Variants in RAB3GAP2 observed in about 807,000 individuals in gnomAD.
RAB3GAP2 encodes rab3 GTPase-activating protein non-catalytic subunit.
Under a neutral mutation model 185.3 loss-of-function variants are expected in RAB3GAP2, and 87 were observed. The observed-to-expected ratio is 0.47, with a 90% CI of 0.39 to 0.56. The LOEUF (loss-of-function observed/expected upper bound fraction) is 0.56, where lower values mean the gene tolerates loss of function less well. Among genes scored for constraint, RAB3GAP2 ranks in the 20% least tolerant of loss-of-function variants. RAB3GAP2 has a pLI of 0.00. For missense variants in RAB3GAP2, 1,492 were observed against 1,638.2 expected (o/e 0.91, Z 1.54); for synonymous variants, 554 against 576.1 (o/e 0.96, Z 0.55).
intron 9 of RAB3GAP2, among the ~76,000 whole-genome samples, chr1:220,201,873 T>A (rs948209870): frequency 1.6e-4 from 24 of 152,124 alleles, no homozygotes; most frequent in Non-Finnish European, 2.9e-5. Context: ...ATGCATTTTT[T>A]CACATAAGAA....
At chr1:220,174,287 T>TTAA (rs1296906570) in intron 21 of RAB3GAP2, among the ~76,000 whole-genome samples, 1 of 152,026 alleles carries the variant, frequency 6.6e-6, no homozygotes, top group Non-Finnish European at 1.5e-5. Context: ...CGCACACTCT[T>TTAA]TAATGCCTTC....
chr1:220,239,226 T>G (rs1659647626), intron 1 of RAB3GAP2, among the ~76,000 whole-genome samples: 1 of 151,902 alleles, frequency 6.6e-6, no homozygotes, highest in Non-Finnish European at 1.5e-5. Context: ...TCAAACAACT[T>G]TTTTTTTGTG....
At chr1:220,178,334 G>C (rs1415009850) in intron 21 of RAB3GAP2, among the ~76,000 whole-genome samples, 1 of 152,122 alleles carries the variant, frequency 6.6e-6, no homozygotes, top group Non-Finnish European at 1.5e-5. Context: ...CAAACTGAAA[G>C]AAAATGATGC....
intron 9 of RAB3GAP2, among the ~76,000 whole-genome samples, chr1:220,197,073 G>C (rs1046581116): frequency 4.0e-5 from 6 of 151,154 alleles, no homozygotes; most frequent in Non-Finnish European, 8.8e-5. Context: ...TGCAACCTCT[G>C]CCTCCCAGGT....
At chr1:220,175,677 C>T (rs1658275619) in intron 21 of RAB3GAP2, among the ~76,000 whole-genome samples, 1 of 152,200 alleles carries the variant, frequency 6.6e-6, no homozygotes. Context: ...TGCCTTGGAC[C>T]TCTCTTCACA....
At position 220,198,025 on chromosome 1, in the gene RAB3GAP2, T is replaced by A. The variant is rs541579878; in HGVS notation, c.812-1627A>T. On this transcript the variant is annotated intron_variant, in intron 9 of 34. Transcript: ENST00000358951. ...CCTGCAGTAATTTCACAATTTCGAG[T>A]TTAAACTAATTAATCCTACTATTTT... Among the ~76,000 whole-genome samples the A allele has an allele frequency of 2.6e-5, 4 of 152,164 alleles. No individual in the cohort carries two copies. The South Asian group carries it at 8.3e-4, about 32-fold the overall frequency.
chr1:220,181,007 C>T (rs964134509), intron 21 of RAB3GAP2, among the ~76,000 whole-genome samples: 38 of 152,078 alleles, frequency 2.5e-4, no homozygotes, highest in Admixed American at 2.5e-3. Context: ...GTCATTATTC[C>T]CTCAACGGTA....
At chr1:220,186,233 C>T (rs1381286066) in intron 17 of RAB3GAP2, among the ~76,000 whole-genome samples, 1 of 152,150 alleles carries the variant, frequency 6.6e-6, no homozygotes, top group Non-Finnish European at 1.5e-5. Context: ...TCCCTCTCCC[C>T]ACCCCCATAG....
At position 220,171,048 on chromosome 1, in the gene RAB3GAP2, C is replaced by T; in HGVS notation, c.2650G>A (p.Glu884Lys). 6.2e-7 allele frequency: 1 copy of T among 1,614,142 alleles called. No homozygotes were observed. Among genetic ancestry groups the T allele is most frequent in the Non-Finnish European group, 8.5e-7 (1 of 1,180,016 alleles). Reference protein sequence around the residue: ...DSWEALSLDTEYWKLLLKQLE... With the variant: ...DSWEALSLDTKYWKLLLKQLE... ...TGTTTCAGAAGGAGTTTCCAGTACT[C>T]AGTGTCAAGAGAAAGTGCCTCCCAG... Residue 884 changes from glutamate (E) to lysine (K), a missense_variant, in exon 24 of 35, where the codon GAG becomes AAG. By Grantham distance (56) the Glu-to-Lys change is moderately conservative (BLOSUM62 1). Transcript: ENST00000358951.
intron 1 of RAB3GAP2, among the ~76,000 whole-genome samples, chr1:220,250,022 C>T (rs900081308): frequency 6.6e-6 from 1 of 152,212 alleles, no homozygotes; most frequent in Non-Finnish European, 1.5e-5. Context: ...TACAAGCCCC[C>T]ACACAGAGTC....
At position 220,171,110 on chromosome 1, in the gene RAB3GAP2, G is replaced by A; in HGVS notation, c.2588C>T (p.Thr863Ile). 1 of 1,613,918 alleles carries A rather than the reference G, an allele frequency of 6.2e-7. No homozygotes were observed. Among genetic ancestry groups the A allele is most frequent in the South Asian group, 1.1e-5 (1 of 91,078 alleles). Residue 863 changes from threonine to isoleucine, a missense_variant, in exon 24 of 35, where the codon ACA becomes ATA. Physicochemically the swap from Thr to Ile is moderately conservative, Grantham distance 89. Transcript: ENST00000358951. ...NNMTEKKFSQTVLGADSEALT... is the reference protein window; with the variant it reads ...NNMTEKKFSQIVLGADSEALT... ...GGCCTCTGAATCAGCACCCAAAACTGTTTGGGAAAACTAATAAAAAATGCA... is the reference window on the plus strand; with the variant it reads ...GGCCTCTGAATCAGCACCCAAAACTATTTGGGAAAACTAATAAAAAATGCA...
intron 6 of RAB3GAP2, 89 bp downstream of exon 6, chr1:220,210,712 G>A: frequency 7.5e-7 from 1 of 1,336,190 alleles, no homozygotes; most frequent in Non-Finnish European, 1.1e-6. Context: ...TCAGGCAGCA[G>A]GTAATAAAGT....
chr1:220,249,268 T>C (rs1380246772), intron 1 of RAB3GAP2, among the ~76,000 whole-genome samples: 1 of 152,062 alleles, frequency 6.6e-6, no homozygotes, highest in Admixed American at 6.5e-5. Context: ...GTTGAATGGC[T>C]TTTACCAAAA....
chr1:220,260,906 C>A (rs1660123882), intron 1 of RAB3GAP2, among the ~76,000 whole-genome samples: 1 of 152,050 alleles, frequency 6.6e-6, no homozygotes, highest in South Asian at 2.1e-4. Context: ...GACTGAGGAA[C>A]TGAATTTTTT....
intron 9 of RAB3GAP2, 115 bp from the exon 10 acceptor site, chr1:220,196,513 A>G: frequency 1.8e-6 from 2 of 1,083,138 alleles, no homozygotes; most frequent in Non-Finnish European, 2.7e-6. Flanking sequence ...ACCAAAAGTC[A>G]TTTTAAAAGC....
At chr1:220,220,233 G>A (rs1250515304) in intron 2 of RAB3GAP2, 1 of 152,182 alleles carries the variant, frequency 6.6e-6, no homozygotes, top group Non-Finnish European at 1.5e-5. Context: ...CGTCGTTGTG[G>A]TGGCTGCGCT....
At chr1:220,230,304 AC>A (rs1659474275) in intron 2 of RAB3GAP2, among the ~76,000 whole-genome samples, 2 of 152,368 alleles carry the variant, frequency 1.3e-5, no homozygotes, top group Admixed American at 1.3e-4. Flanking sequence ...TAAGACAACC[AC>A]AAACAAGAGA....
intron 5 of RAB3GAP2, 24 bp from the exon 6 acceptor site, chr1:220,210,900 C>T (rs1302446935): frequency 3.8e-5 from 62 of 1,613,628 alleles, no homozygotes; most frequent in Non-Finnish European, 4.8e-5. Flanking sequence ...AATTTATTAT[C>T]TTAACAACTC....
intron 2 of RAB3GAP2, 45 bp from the exon 3 acceptor site, chr1:220,214,024 G>A (rs1161389843): frequency 6.3e-7 from 1 of 1,597,982 alleles, no homozygotes; most frequent in Non-Finnish European, 8.6e-7. Flanking sequence ...AATACCAAGA[G>A]TATTCAAACT....
Sources: gnomAD v4.1 joint callset for allele counts (sites outside exome capture counted in the v4.1 genomes callset) on GRCh38, gnomAD v4.1.1 for gene constraint, MANE v1.5 for transcripts, NCBI Gene and HGNC (gene_info 2026-07-23, HGNC 2026-07-21) for gene names.